NEURL1B: variants seen among roughly 807,000 people sequenced by gnomAD.
The protein encoded by NEURL1B is E3 ubiquitin-protein ligase NEURL1B.
Under a neutral mutation model 37.4 loss-of-function variants are expected in NEURL1B, and 13 were observed. The observed-to-expected ratio is 0.35, with a 90% CI of 0.23 to 0.55. The LOEUF (loss-of-function observed/expected upper bound fraction) is 0.55. Ranked by LOEUF, NEURL1B falls within the 20% of genes least tolerant of loss-of-function variation. The pLI, the probability that NEURL1B is intolerant of heterozygous loss-of-function variation, is 0.89. For synonymous variants in NEURL1B, 432 were observed against 426.6 expected (o/e 1.01, Z -0.16); for missense variants, 790 against 879.2 (o/e 0.90, Z 1.28).
intron 1 of NEURL1B, among the ~76,000 whole-genome samples, chr5:172,650,015 G>A (rs1050022295): frequency 6.6e-6 from 1 of 152,228 alleles, no homozygotes; most frequent in Non-Finnish European, 1.5e-5. Context: ...AAATGGGTGG[G>A]GTCGAGGTGT....
Position 172,686,901 on chromosome 5 carries a change from C to A in NEURL1B, c.1644C>A (p.Asp548Glu). The change falls in exon 5 of 5, where the codon GAC (aspartate) becomes GAA (glutamate). Residue 548 changes from aspartate to glutamate, a missense_variant. Physicochemically the swap from Asp to Glu is conservative, Grantham distance 45 (BLOSUM62 2). Coordinates refer to ENST00000369800, the MANE Select transcript of NEURL1B (RefSeq NM_001142651.3). This position sits in a 1 kb window ranked among gnomAD's most constrained non-coding sequence, Gnocchi z 7.9. ...CCPICRRPIK[D>E]VIKIYRP ...CCATCTGCCGGCGGCCCATCAAGGACGTCATTAAGATCTACAGGCCATAGC... is the reference window on the plus strand; with the variant it reads ...CCATCTGCCGGCGGCCCATCAAGGAAGTCATTAAGATCTACAGGCCATAGC... The A allele has an allele frequency of 6.5e-7, 1 of 1,549,898 alleles. No individual in the cohort carries two copies. The highest frequency in any genetic ancestry group is 8.7e-7 in the Non-Finnish European group (1 of 1,146,268).
chr5:172,669,496 G>C (rs1758076881), intron 1 of NEURL1B, among the ~76,000 whole-genome samples: 1 of 151,910 alleles, frequency 6.6e-6, no homozygotes, highest in Admixed American at 6.6e-5. Context: ...GGCTGTCGTG[G>C]GCTCTTGGTG....
Position 172,683,747 on chromosome 5 carries a change from G to A in NEURL1B, c.906G>A (p.Pro302=). The A allele has an allele frequency of 7.6e-7, 1 of 1,321,578 alleles. No homozygotes were observed. The allele number at this position is 1,321,578 out of a possible 1,614,324, so 81.9% of individuals were successfully genotyped here. A position where few individuals can be genotyped will look rare whatever the true frequency, so the allele number is the denominator to read the frequency against. ...CCGACCGCAAAGTGGCCTGCGCACC[G>A]CGGCCCGACGGCGGCCGCACGCTGG... is the stretch of plus-strand genomic sequence containing the variant. The part of the protein sequence containing the change: ...LSADRKVACA[P]RPDGGRTLVF... Residue 302 remains proline, a synonymous_variant, in exon 3 of 5, where the codon CCG becomes CCA. Coordinates refer to ENST00000369800, the MANE Select transcript of NEURL1B (RefSeq NM_001142651.3). The surrounding 1 kb of genome is among the most constrained non-coding windows in gnomAD (Gnocchi z 5.6).
rs989937462 is a variant in NEURL1B, at chr5:172,691,087, T to G, written c.*4162T>G. On this transcript the variant is annotated 3_prime_UTR_variant, in exon 5 of 5. Coordinates refer to ENST00000369800, the MANE Select transcript of NEURL1B (RefSeq NM_001142651.3). ...CGAGTCCCTAATGAAACGACTTGTG[T>G]GACAATCTGTCTGTGCCTTACGAAA... 2.6e-5 allele frequency: 4 copies of G among 152,234 alleles called. No homozygotes were observed. The highest frequency in any genetic ancestry group is 6.5e-5 in the Admixed American group (1 of 15,284). 9.4% of individuals were successfully genotyped at this position (152,234 alleles called of 1,614,324 possible).
chr5:172,643,363 C>T (rs991843236), intron 1 of NEURL1B, among the ~76,000 whole-genome samples: 1 of 152,174 alleles, frequency 6.6e-6, no homozygotes, highest in Admixed American at 6.5e-5. Context: ...GTTTTTTGTA[C>T]CTCTGTGCTT....
At chr5:172,677,051 G>A (rs1362186005) in intron 2 of NEURL1B, among the ~76,000 whole-genome samples, 4 of 151,990 alleles carry the variant, frequency 2.6e-5, no homozygotes, top group Admixed American at 6.5e-5. Context: ...CAGTGGCCAC[G>A]GTGGGGGAGG....
intron 1 of NEURL1B, among the ~76,000 whole-genome samples, chr5:172,646,652 G>GGA (rs1757565288): frequency 6.6e-6 from 1 of 152,216 alleles, no homozygotes; most frequent in South Asian, 2.1e-4. Flanking sequence ...AGTTCTAGCA[G>GGA]GAGAGACCGA....
At position 172,676,234 on chromosome 5, in the gene NEURL1B, A is replaced by G. The variant is rs1049806056; in HGVS notation, c.577+5904A>G. ...AATGGTTGCCTTTAAGCCTGGCTCA[A>G]TGCGGGGACCCAAAGAACTGCACCT... On this transcript the variant is annotated intron_variant, in intron 2 of 4. Transcript: ENST00000369800. The surrounding 1 kb of genome is among the most constrained non-coding windows in gnomAD (Gnocchi z 4.5). Among the ~76,000 whole-genome samples, 2 of 151,808 alleles carry G rather than the reference A, an allele frequency of 1.3e-5. No individual in the cohort carries two copies. The highest frequency in any genetic ancestry group is 2.4e-5 in the African/African-American group (1 of 41,302).
chr5:172,655,008 CTCTT>C (rs1757739675), intron 1 of NEURL1B, among the ~76,000 whole-genome samples: 1 of 148,822 alleles, frequency 6.7e-6, no homozygotes, highest in Non-Finnish European at 1.5e-5. Context: ...TTTCCCCTCT[CTCTT>C]TTTCTCTCCT....
chr5:172,691,328 T>C lies in NEURL1B; in HGVS notation c.*4403T>C, dbSNP rs901515300. 4 of 152,208 alleles carry C rather than the reference T, an allele frequency of 2.6e-5. No homozygotes were observed. Among genetic ancestry groups the C allele is most frequent in the African/African-American group, 9.7e-5 (4 of 41,430 alleles). The allele number at this position is 152,208 out of a possible 1,614,324, so 9.4% of individuals were successfully genotyped here. ...TTAAAACATGTCTTCTTTTTCTGAT[T>C]CAATACTGTGACCTCTCCGATACAG... is the stretch of plus-strand genomic sequence containing the variant. On this transcript the variant is annotated 3_prime_UTR_variant, in exon 5 of 5. Coordinates refer to ENST00000369800, the MANE Select transcript of NEURL1B (RefSeq NM_001142651.3).
Position 172,675,835 on chromosome 5 carries a change from A to C in NEURL1B, c.577+5505A>C, listed in dbSNP as rs756626318. Reference sequence around the variant, plus strand: ...AGTGTTTTTTCATGTTTTGTGCCCAAAAACTTCAGAGTTTGTAGCATTTCA... The same window carrying C: ...AGTGTTTTTTCATGTTTTGTGCCCACAAACTTCAGAGTTTGTAGCATTTCA... On this transcript the variant is annotated intron_variant, in intron 2 of 4. Transcript: ENST00000369800. This position sits in a 1 kb window ranked among gnomAD's most constrained non-coding sequence, Gnocchi z 4.7. 9.2e-5 allele frequency among the ~76,000 whole-genome samples: 14 copies of C among 152,322 alleles called. No homozygotes were observed. The highest frequency in any genetic ancestry group is 1.9e-4 in the Non-Finnish European group (13 of 68,026).
Position 172,669,982 on chromosome 5 carries a change from C to G in NEURL1B, c.229C>G (p.Arg77Gly). 3 of 1,465,956 alleles carry G rather than the reference C, an allele frequency of 2.0e-6. No homozygotes were observed. The highest frequency in any genetic ancestry group is 2.7e-6 in the Non-Finnish European group (3 of 1,114,880). The allele number at this position is 1,465,956 out of a possible 1,614,324, so 90.8% of individuals were successfully genotyped here. Residue 77 changes from arginine to glycine, a missense_variant, in exon 2 of 5, where the codon CGG (arginine) becomes GGG (glycine). Arg to Gly is a moderately radical substitution (Grantham distance 125). This residue lies in a region of NEURL1B where 215 missense variants were observed against 309.2 expected (regional missense o/e 0.70). Transcript: ENST00000369800. ...CGTCACGTTCACGCAGCGGCCCATC[C>G]GGCTGTACGAGCAGGTGCGGCTGCG... ...NGVTFTQRPI[R>G]LYEQVRLRLV...
intron 2 of NEURL1B, among the ~76,000 whole-genome samples, chr5:172,681,001 T>C (rs1049430654): frequency 6.6e-6 from 1 of 152,152 alleles, no homozygotes; most frequent in Non-Finnish European, 1.5e-5. Context: ...TGGGGAAGCC[T>C]TAGGAAACTT....
At chr5:172,672,377 C>T (rs763984171) in intron 2 of NEURL1B, among the ~76,000 whole-genome samples, 1 of 152,130 alleles carries the variant, frequency 6.6e-6, no homozygotes, top group Non-Finnish European at 1.5e-5. Flanking sequence ...GGAAGCAATC[C>T]CACCTCACTC....
At chr5:172,656,813 C>G (rs1757789525) in intron 1 of NEURL1B, 1 of 648,488 alleles carries the variant, frequency 1.5e-6, no homozygotes, top group Non-Finnish European at 2.7e-6. Context: ...TTTAAAACTC[C>G]TAACAACCGC....
intron 2 of NEURL1B, among the ~76,000 whole-genome samples, chr5:172,677,941 G>A (rs567297770): frequency 6.6e-6 from 1 of 152,084 alleles, no homozygotes; most frequent in Non-Finnish European, 1.5e-5. Context: ...CTTAAGCTGT[G>A]CCCTGAGGCG....
At position 172,641,452 on chromosome 5, in the gene NEURL1B, C is replaced by T. The variant is rs935498027; in HGVS notation, c.31+15C>T. On this transcript the variant is annotated intron_variant, in intron 1 of 4. Transcript: ENST00000369800. The surrounding 1 kb of genome is among the most constrained non-coding windows in gnomAD (Gnocchi z 6.4). ...GACCCTGCCAGGTACGCCGGGGAGC[C>T]CTGCCCGGGAGGCGGGCGCCGGGCT... 4.6e-6 allele frequency: 6 copies of T among 1,315,354 alleles called. No homozygotes were observed. The highest frequency in any genetic ancestry group is 2.9e-4 in the Middle Eastern group (1 of 3,418). The allele number at this position is 1,315,354 out of a possible 1,614,324, so 81.5% of individuals were successfully genotyped here.
intron 2 of NEURL1B, among the ~76,000 whole-genome samples, chr5:172,672,641 T>A (rs1273003553): frequency 6.6e-6 from 1 of 150,922 alleles, no homozygotes; most frequent in African/African-American, 2.4e-5. Flanking sequence ...CACTGTGACA[T>A]GGCAGACATG....
At position 172,675,510 on chromosome 5, in the gene NEURL1B, G is replaced by A. The variant is rs568526943; in HGVS notation, c.577+5180G>A. On this transcript the variant is annotated intron_variant, in intron 2 of 4. Transcript: ENST00000369800. The surrounding 1 kb of genome is among the most constrained non-coding windows in gnomAD (Gnocchi z 4.7). The stretch of plus-strand genomic sequence containing the variant: ...CCATCCTGAGAGGCTTAGATTTCTC[G>A]AGATGCTCCTCAGGGCCAAAGAGAA... Among the ~76,000 whole-genome samples, 2 of 152,240 alleles carry A rather than the reference G, an allele frequency of 1.3e-5. No individual in the cohort carries two copies. Among genetic ancestry groups the A allele is most frequent in the South Asian group, 4.2e-4 (2 of 4,818 alleles).
Sources: allele counts gnomAD v4.1 joint callset (sites outside exome capture counted in the v4.1 genomes callset), GRCh38; gene constraint gnomAD v4.1.1; regional missense constraint gnomAD v4.1.1; non-coding constraint Gnocchi (gnomAD v3.1); transcripts MANE v1.5; gene names NCBI Gene and HGNC (gene_info 2026-07-23, HGNC 2026-07-21).